Variants in CELF2 observed in about 807,000 individuals in gnomAD.
CELF2 encodes the protein CUGBP Elav-like family member 2, also known as CUG triplet repeat RNA-binding protein 2.
Under a neutral mutation model 62.6 loss-of-function variants are expected in CELF2, and 8 were observed. That is an observed-to-expected ratio of 0.13 (90% CI 0.07 to 0.23). CELF2 has a LOEUF of 0.23. CELF2 is among the 10% of genes least tolerant of loss of function. The pLI is 1.00. For missense variants in CELF2, 333 were observed against 671.0 expected (o/e 0.50, Z 5.56); for synonymous variants, 258 against 250.0 (o/e 1.03, Z -0.30).
chr10:10,671,245 A>G, the CELF2 span, among the ~76,000 whole-genome samples: 1 of 150,260 alleles, frequency 6.7e-6, no homozygotes, highest in Non-Finnish European at 1.5e-5. Context: ...AATTTTCTCC[A>G]TCTCCTTCCA....
chr10:10,529,488 C>T, the CELF2 span, among the ~76,000 whole-genome samples: 2 of 151,966 alleles, frequency 1.3e-5, no homozygotes, highest in Admixed American at 1.3e-4. Flanking sequence ...AGTTCAAGAC[C>T]AGCCTGGCCA....
rs201784951 is a variant in CELF2, at chr10:10,914,131, T to A, written c.54-5833T>A. ...AAATAAAATCTATTTTACCTTTTTT[T>A]AAAAAAAAAAAATGTTCTCTGTACT... On this transcript the variant is annotated intron_variant, in intron 1 of 13. Transcript: ENST00000636488. Among the ~76,000 whole-genome samples the A allele has an allele frequency of 1.3e-3, 180 of 143,268 alleles. 2 individuals are homozygous for A. The highest frequency in any genetic ancestry group is 3.3e-3 in the African/African-American group (128 of 39,066). 94.0% of individuals were successfully genotyped at this position (143,268 alleles called of 152,430 possible). A position where few individuals can be genotyped will look rare whatever the true frequency, so the allele number is the denominator to read the frequency against.
At chr10:10,915,334 A>G (rs916869674) in intron 1 of CELF2, among the ~76,000 whole-genome samples, 3 of 152,178 alleles carry the variant, frequency 2.0e-5, no homozygotes, top group African/African-American at 7.2e-5. Flanking sequence ...AAATTTATTA[A>G]GTGTTTGGTG....
rs77750841 is a variant in CELF2 at position 11,156,601 on chromosome 10, A to G, written c.75-8885A>G. Among the ~76,000 whole-genome samples, 1,462 of 152,308 alleles carry G rather than the reference A, an allele frequency of 9.6e-3. 9 individuals are homozygous for G. The highest frequency in any genetic ancestry group is 0.015 in the Non-Finnish European group (1,029 of 68,034). On this transcript the variant is annotated intron_variant, in intron 1 of 12. Transcript: ENST00000633077. The surrounding 1 kb of genome is among the most constrained non-coding windows in gnomAD (Gnocchi z 4.3). Reference sequence around the variant, plus strand: ...AGACTGTTTTACCCCCACTTTAGTCATTGCGGTATCCCCAGCTCCTTGAAT... The same window carrying G: ...AGACTGTTTTACCCCCACTTTAGTCGTTGCGGTATCCCCAGCTCCTTGAAT...
At chr10:10,597,516 G>A in the CELF2 span, among the ~76,000 whole-genome samples, 1 of 151,926 alleles carries the variant, frequency 6.6e-6, no homozygotes, top group Non-Finnish European at 1.5e-5. Flanking sequence ...AAGCACAAAT[G>A]TGGCATGAAA....
chr10:10,500,751 G>A, the CELF2 span, among the ~76,000 whole-genome samples: 2 of 152,134 alleles, frequency 1.3e-5, no homozygotes, highest in Non-Finnish European at 2.9e-5. Flanking sequence ...GCATCATGAA[G>A]AAGACCCCTT....
At chr10:11,017,603 G>A (rs1019155017), upstream of CELF2, among the ~76,000 whole-genome samples, 2 of 152,200 alleles carry the variant, frequency 1.3e-5, no homozygotes, top group Admixed American at 1.3e-4. This position sits in a 1 kb window ranked among gnomAD's most constrained non-coding sequence, Gnocchi z 5.5. Context: ...TGGAAGTGGA[G>A]CGGGCTTTGG....
At chr10:10,624,958 C>T in the CELF2 span, among the ~76,000 whole-genome samples, 13 of 152,220 alleles carry the variant, frequency 8.5e-5, no homozygotes, top group Admixed American at 2.0e-4. Flanking sequence ...CGAAGCTGCG[C>T]GGCTCACACC....
the CELF2 span, among the ~76,000 whole-genome samples, chr10:10,625,667 C>G: frequency 6.6e-6 from 1 of 152,190 alleles, no homozygotes; most frequent in Non-Finnish European, 1.5e-5. Context: ...CCTTGTAGGG[C>G]CAGCTTCCTT....
the CELF2 span, among the ~76,000 whole-genome samples, chr10:10,707,414 A>T: frequency 6.6e-6 from 1 of 152,230 alleles, no homozygotes; most frequent in Non-Finnish European, 1.5e-5. Flanking sequence ...GTTCACCCAA[A>T]TGAAGTAAAT....
At chr10:11,298,941 T>C (rs1473982613) in intron 9 of CELF2, among the ~76,000 whole-genome samples, 1 of 152,198 alleles carries the variant, frequency 6.6e-6, no homozygotes, top group Non-Finnish European at 1.5e-5. Flanking sequence ...TATTTTTCTC[T>C]GAATCTCTTG....
intron 9 of CELF2, among the ~76,000 whole-genome samples, chr10:11,293,035 C>A (rs778058367): frequency 6.6e-6 from 1 of 152,216 alleles, no homozygotes; most frequent in Non-Finnish European, 1.5e-5. Flanking sequence ...AAACAAACTC[C>A]TGAGTGTGGC....
intron 2 of CELF2, among the ~76,000 whole-genome samples, chr10:10,933,115 C>A (rs1363624750): frequency 2.8e-5 from 4 of 145,206 alleles, no homozygotes; most frequent in African/African-American, 1.0e-4. Context: ...GGCAACATGG[C>A]AAAACCAAGT....
intron 1 of CELF2, among the ~76,000 whole-genome samples, chr10:11,064,582 T>A (rs1023622896): frequency 1.3e-5 from 2 of 152,144 alleles, no homozygotes; most frequent in Non-Finnish European, 2.9e-5. Flanking sequence ...AGTGAAAGAT[T>A]TAAAATTATT....
At chr10:10,661,352 T>C in the CELF2 span, among the ~76,000 whole-genome samples, 2 of 152,246 alleles carry the variant, frequency 1.3e-5, no homozygotes, top group Non-Finnish European at 2.9e-5. Context: ...TCATGCTCTT[T>C]ATTGCTGAGT....
At chr10:10,675,407 T>C in the CELF2 span, among the ~76,000 whole-genome samples, 1 of 152,148 alleles carries the variant, frequency 6.6e-6, no homozygotes, top group African/African-American at 2.4e-5. Flanking sequence ...TTCAGAATTT[T>C]CTTCTTTATC....
chr10:10,945,599 A>T (rs982276647), intron 2 of CELF2, among the ~76,000 whole-genome samples: 2 of 152,230 alleles, frequency 1.3e-5, no homozygotes, highest in East Asian at 3.8e-4. Context: ...ATGTTTAGCC[A>T]TCTAGGCAGT....
chr10:10,623,206 C>T, the CELF2 span, among the ~76,000 whole-genome samples: 1 of 148,768 alleles, frequency 6.7e-6, no homozygotes, highest in Non-Finnish European at 1.5e-5. Context: ...CCTCTATTTG[C>T]TAGAATTTGA....
Position 10,919,906 on chromosome 10 carries a change from T to C in CELF2, c.54-58T>C. The C allele has an allele frequency of 3.6e-6, 4 of 1,112,840 alleles. No individual in the cohort carries two copies. In the East Asian group the frequency reaches 1.3e-4, roughly 36 times the overall value. 68.9% of individuals were successfully genotyped at this position (1,112,840 alleles called of 1,614,324 possible). ...TACTTATTATGTGATTAAATACATT[T>C]TCATAATTCACCAAAATAAACTTAA... is the stretch of plus-strand genomic sequence containing the variant. On this transcript the variant is annotated intron_variant, in intron 1 of 13. Transcript: ENST00000636488.
Sources: gnomAD v4.1 joint callset for allele counts (sites outside exome capture counted in the v4.1 genomes callset) on GRCh38, gnomAD v4.1.1 for gene constraint, Gnocchi (gnomAD v3.1) non-coding constraint, MANE v1.5 for transcripts, NCBI Gene and HGNC (gene_info 2026-07-23, HGNC 2026-07-21) for gene names.